FNIP2: variants seen among roughly 807,000 people sequenced by gnomAD.
The protein encoded by FNIP2 is folliculin interacting protein 2.
In FNIP2, 32 loss-of-function variants were observed where a neutral mutation model predicts 108.7. The ratio of observed to expected loss-of-function variants is 0.29; its 90% CI spans 0.22 to 0.40. FNIP2 has a LOEUF of 0.40. Among genes scored for constraint, FNIP2 ranks in the 10% least tolerant of loss-of-function variants. FNIP2 has a pLI of 1.00. For synonymous variants in FNIP2, 480 were observed against 496.7 expected (o/e 0.97, Z 0.45); for missense variants, 1,202 against 1,381.6 (o/e 0.87, Z 2.06).
At chr4:158,851,624 A>C (rs1167511360) in intron 8 of FNIP2, among the ~76,000 whole-genome samples, 174 bp downstream of exon 8, 1 of 152,238 alleles carries the variant, frequency 6.6e-6, no homozygotes. Flanking sequence ...AGAATAAATA[A>C]AAGCTGAAAT....
chr4:158,774,602 A>G (rs1025224253), intron 1 of FNIP2, among the ~76,000 whole-genome samples: 1 of 152,236 alleles, frequency 6.6e-6, no homozygotes, highest in Non-Finnish European at 1.5e-5. Flanking sequence ...TAAACTCATT[A>G]TAAACCTCAG....
chr4:158,883,609 A>G lies in FNIP2; in HGVS notation c.2950-7837A>G, dbSNP rs982168980. On this transcript the variant is annotated intron_variant, in intron 14 of 16. Coordinates refer to ENST00000264433, the MANE Select transcript of FNIP2 (RefSeq NM_020840.3). ...TAGTTAAACCCACACTGTTATAACTATTGTGCAGATTTTAGATCTGGTTAT... is the reference window on the plus strand; with the variant it reads ...TAGTTAAACCCACACTGTTATAACTGTTGTGCAGATTTTAGATCTGGTTAT... Among the ~76,000 whole-genome samples, 9 of 152,188 alleles carry G rather than the reference A, an allele frequency of 5.9e-5. No individual in the cohort carries two copies. The South Asian group carries it at 1.7e-3, about 28-fold the overall frequency.
intron 1 of FNIP2, among the ~76,000 whole-genome samples, chr4:158,816,831 G>A (rs1777604503): frequency 6.6e-6 from 1 of 150,700 alleles, no homozygotes; most frequent in Admixed American, 6.6e-5. Flanking sequence ...ATTAATATAT[G>A]CATGGAGATG....
rs770098541 is a variant in FNIP2 at position 158,869,008 on chromosome 4, C to T, written c.2372C>T (p.Ser791Phe). The change falls in exon 13 of 17, where the codon TCT (serine) becomes TTT (phenylalanine). Residue 791 changes from serine to phenylalanine, a missense_variant. Ser to Phe is a radical substitution (Grantham distance 155). Around this residue, in one of 5 missense-constraint regions of FNIP2, gnomAD observed 878 missense variants for 990.3 expected, o/e 0.89. Coordinates refer to ENST00000264433, the MANE Select transcript of FNIP2 (RefSeq NM_020840.3). The stretch of plus-strand genomic sequence containing the variant: ...CTTTCAGAGGGGGATGAAGGCGAGT[C>T]TGACAAGGGTTTTGCAGAGGACAGA... ...NRLSEGDEGE[S>F]DKGFAEDRGS... The T allele has an allele frequency of 1.8e-5, 29 of 1,613,810 alleles. No homozygotes were observed. Among genetic ancestry groups the T allele is most frequent in the Non-Finnish European group, 2.4e-5 (28 of 1,179,904 alleles).
At chr4:158,779,337 T>G (rs1053978221) in intron 1 of FNIP2, among the ~76,000 whole-genome samples, 2 of 152,224 alleles carry the variant, frequency 1.3e-5, no homozygotes, top group African/African-American at 4.8e-5. Context: ...TAAATTGTTA[T>G]GTCAGCTTTG....
rs1782159515 is a variant in FNIP2, at chr4:158,889,087, G to A, written c.2950-2359G>A. Among the ~76,000 whole-genome samples, 3 of 152,030 alleles carry A rather than the reference G, an allele frequency of 2.0e-5. No individual in the cohort carries two copies. In the South Asian group the frequency reaches 6.2e-4, roughly 31 times the overall value. ...ACATGTCTGTAGTCCAGCTACTTGGGAGGCTGAGGCAGGAGGATCACTTGA... is the reference window on the plus strand; with the variant it reads ...ACATGTCTGTAGTCCAGCTACTTGGAAGGCTGAGGCAGGAGGATCACTTGA... On this transcript the variant is annotated intron_variant, in intron 14 of 16. Coordinates refer to ENST00000264433, the MANE Select transcript of FNIP2 (RefSeq NM_020840.3).
chr4:158,799,135 T>C (rs546628627), intron 1 of FNIP2, among the ~76,000 whole-genome samples: 2 of 152,208 alleles, frequency 1.3e-5, no homozygotes, highest in Non-Finnish European at 2.9e-5. Context: ...TTGTCAGTAG[T>C]AGTTTTGGGC....
At chr4:158,904,161 G>T (rs1729618396) in intron 16 of FNIP2, among the ~76,000 whole-genome samples, 1 of 152,126 alleles carries the variant, frequency 6.6e-6, no homozygotes, top group Non-Finnish European at 1.5e-5. Context: ...GTTATATAGG[G>T]AATACAGGAA....
intron 14 of FNIP2, among the ~76,000 whole-genome samples, chr4:158,884,563 G>A (rs751543636): frequency 2.6e-5 from 4 of 152,152 alleles, no homozygotes; most frequent in Non-Finnish European, 5.9e-5. Flanking sequence ...CTTGAGATGG[G>A]GTGGCAGGGA....
chr4:158,836,655 A>G (rs1161220015), intron 7 of FNIP2: 1 of 151,448 alleles, frequency 6.6e-6, no homozygotes, highest in Non-Finnish European at 1.5e-5. Flanking sequence ...AAAAAAAAAA[A>G]AAAGAAAGAA....
In FNIP2 at chr4:158,789,092, G is replaced by T. The variant is rs74621987; in HGVS notation, c.107+19773G>T. ...TAATGCCTTACCTAAAGGAAAAGGG[G>T]AGAAGGAGTTTGCTGTGCTGCTGTG... On this transcript the variant is annotated intron_variant, in intron 1 of 16. Transcript: ENST00000264433. Among the ~76,000 whole-genome samples the T allele has an allele frequency of 6.3e-3, 955 of 152,324 alleles. 7 individuals are homozygous for T. Among genetic ancestry groups the T allele is most frequent in the African/African-American group, 0.021 (882 of 41,562 alleles).
chr4:158,898,481 T>C (rs1782894232), intron 16 of FNIP2, among the ~76,000 whole-genome samples: 1 of 152,222 alleles, frequency 6.6e-6, no homozygotes. Context: ...CATGGAATGT[T>C]CTTCCATTTA....
chr4:158,776,142 C>G (rs543042701), intron 1 of FNIP2, among the ~76,000 whole-genome samples: 30 of 152,258 alleles, frequency 2.0e-4, no homozygotes, highest in Admixed American at 7.9e-4. Context: ...ACAACCAATT[C>G]ATGCAGGGTG....
intron 14 of FNIP2, among the ~76,000 whole-genome samples, chr4:158,880,625 T>C (rs1781539767): frequency 6.6e-6 from 1 of 152,232 alleles, no homozygotes; most frequent in Non-Finnish European, 1.5e-5. Context: ...CTTTATATAT[T>C]GGAGGAGATG....
intron 16 of FNIP2, among the ~76,000 whole-genome samples, chr4:158,900,964 G>A (rs1030556425): frequency 6.6e-6 from 1 of 152,046 alleles, no homozygotes; most frequent in African/African-American, 2.4e-5. Context: ...TTTTTGCAGT[G>A]GCTGGTACCG....
intron 12 of FNIP2, among the ~76,000 whole-genome samples, chr4:158,862,657 CAAAG>C (rs1780360153): frequency 6.6e-6 from 1 of 152,152 alleles, no homozygotes; most frequent in African/African-American, 2.4e-5. Flanking sequence ...GTTCCCAACA[CAAAG>C]AAATGATAAA....
chr4:158,875,186 A>G (rs1781199767), intron 14 of FNIP2, among the ~76,000 whole-genome samples: 1 of 152,078 alleles, frequency 6.6e-6, no homozygotes, highest in Non-Finnish European at 1.5e-5. Context: ...CCAGGGGACT[A>G]CTGTTGGGAA....
intron 7 of FNIP2, among the ~76,000 whole-genome samples, chr4:158,849,690 T>C (rs1779590720): frequency 6.6e-6 from 1 of 151,998 alleles, no homozygotes; most frequent in South Asian, 2.1e-4. Context: ...CTCAGAAAAA[T>C]TACCTGTTCA....
At chr4:158,774,102 C>T (rs1026988038) in intron 1 of FNIP2, among the ~76,000 whole-genome samples, 11 of 152,118 alleles carry the variant, frequency 7.2e-5, no homozygotes, top group African/African-American at 2.4e-4. Flanking sequence ...ATGCATGTAA[C>T]AAAATTACAC....
Sources: allele counts gnomAD v4.1 joint callset (sites outside exome capture counted in the v4.1 genomes callset), GRCh38; gene constraint gnomAD v4.1.1; regional missense constraint gnomAD v4.1.1; transcripts MANE v1.5; gene names NCBI Gene and HGNC (gene_info 2026-07-23, HGNC 2026-07-21).